The following STPG4 variants were observed in gnomAD, a reference collection of about 807,000 sequenced individuals.
The protein encoded by STPG4 is sperm-tail PG-rich repeat containing 4.
A neutral mutation model predicts 31.5 loss-of-function variants in STPG4; 41 were observed. The ratio of observed to expected loss-of-function variants is 1.30; its 90% CI spans 1.01 to 1.69. The LOEUF is 1.69. Ranked by LOEUF, STPG4 falls within the 40% of genes most tolerant of loss-of-function variation. The probability of loss-of-function intolerance (pLI) is 0.00; values close to 1 mark genes in which losing one functional copy is unlikely to be tolerated. For missense variants in STPG4, 375 were observed against 293.4 expected (o/e 1.28, Z -2.03); for synonymous variants, 141 against 103.0 (o/e 1.37, Z -2.24).
intron 5 of STPG4, among the ~76,000 whole-genome samples, chr2:47,099,716 G>T (rs1237547437): frequency 3.3e-5 from 5 of 152,264 alleles, no homozygotes; most frequent in Non-Finnish European, 5.9e-5. Context: ...CCCTCAGCTT[G>T]CAGAGAGGTG....
chr2:47,108,061 C>T (rs888001938), intron 5 of STPG4, among the ~76,000 whole-genome samples: 2 of 151,850 alleles, frequency 1.3e-5, no homozygotes, highest in African/African-American at 4.8e-5. Flanking sequence ...CTGTATCTAG[C>T]TACTCTGGTG....
intron 5 of STPG4, 72 bp from the exon 6 acceptor site, chr2:47,090,446 T>C (rs1685548185): frequency 1.0e-6 from 1 of 978,880 alleles, no homozygotes; most frequent in African/African-American, 1.6e-5. Context: ...ATTTGCCTTC[T>C]ACAAATAAAC....
At chr2:47,117,334 C>T (rs935834711) in intron 5 of STPG4, among the ~76,000 whole-genome samples, 2 of 152,138 alleles carry the variant, frequency 1.3e-5, no homozygotes, top group African/African-American at 2.4e-5. Flanking sequence ...CTCACCCTCC[C>T]GAGTAGCTGG....
At chr2:47,134,412 AG>A (rs1686553763) in intron 3 of STPG4, among the ~76,000 whole-genome samples, 1 of 152,110 alleles carries the variant, frequency 6.6e-6, no homozygotes, top group South Asian at 2.1e-4. Flanking sequence ...TAGTCTCCAT[AG>A]TTTTGCCTTT....
chr2:47,099,279 G>C (rs917515826), intron 5 of STPG4, among the ~76,000 whole-genome samples: 10 of 152,206 alleles, frequency 6.6e-5, no homozygotes, highest in African/African-American at 2.4e-4. Flanking sequence ...TTTGAAATCT[G>C]AGGCAGTTCT....
At chr2:47,137,512 G>A (rs1310681251) in intron 3 of STPG4, among the ~76,000 whole-genome samples, 1 of 152,118 alleles carries the variant, frequency 6.6e-6, no homozygotes, top group Non-Finnish European at 1.5e-5. Flanking sequence ...TAGGAGGTGT[G>A]TCCCCTGCCC....
At chr2:47,153,752 C>T (rs999984526) in intron 1 of STPG4, among the ~76,000 whole-genome samples, 2 of 151,804 alleles carry the variant, frequency 1.3e-5, no homozygotes, top group African/African-American at 2.4e-5. Flanking sequence ...CCAGCCTGGG[C>T]GACAAAGCAA....
chr2:47,088,115 T>C (rs1685497649), intron 6 of STPG4, among the ~76,000 whole-genome samples: 1 of 152,034 alleles, frequency 6.6e-6, no homozygotes, highest in South Asian at 2.1e-4. Flanking sequence ...GGTCTCACTC[T>C]GTCATCCAGC....
In STPG4 at chr2:47,154,357, C is replaced by T. The variant is rs955228834; in HGVS notation, c.81+814G>A. On this transcript the variant is annotated intron_variant, in intron 1 of 6. Coordinates refer to ENST00000445927, the MANE Select transcript of STPG4 (RefSeq NM_001163561.2). ...AGAAATACAACTTTCTCAGGCAGGT[C>T]AAGACAGGCCTCCCACCCCTACCCC... 7.2e-5 allele frequency among the ~76,000 whole-genome samples: 11 copies of T among 152,174 alleles called. 1 individual carries two copies. Among genetic ancestry groups the T allele is most frequent in the Non-Finnish European group, 1.3e-4 (9 of 68,032 alleles).
intron 3 of STPG4, among the ~76,000 whole-genome samples, chr2:47,150,333 C>T (rs815811): frequency 0.79 from 119,609 of 151,964 alleles, 48,290 homozygotes; most frequent in East Asian, 0.92. Context: ...TTGATAAACT[C>T]TGTCCTGTAT....
intron 3 of STPG4, among the ~76,000 whole-genome samples, chr2:47,141,111 T>G (rs1322703798): frequency 6.6e-6 from 1 of 151,974 alleles, no homozygotes; most frequent in Non-Finnish European, 1.5e-5. Flanking sequence ...GGTCTCGAAC[T>G]CCTAACCTCA....
At chr2:47,145,911 G>A (rs1573198383) in intron 3 of STPG4, among the ~76,000 whole-genome samples, 1 of 152,198 alleles carries the variant, frequency 6.6e-6, no homozygotes, top group Non-Finnish European at 1.5e-5. Flanking sequence ...CTGAAGCGTT[G>A]AATAGTAAAT....
chr2:47,124,537 G>A (rs566346984), intron 5 of STPG4, among the ~76,000 whole-genome samples: 17 of 152,064 alleles, frequency 1.1e-4, no homozygotes, highest in South Asian at 4.2e-4. Context: ...TTGCCTTTCC[G>A]TGCATGGCTT....
At chr2:47,097,988 G>A (rs1034852397) in intron 5 of STPG4, among the ~76,000 whole-genome samples, 1 of 150,412 alleles carries the variant, frequency 6.6e-6, no homozygotes, top group African/African-American at 2.4e-5. Context: ...TGAGGGACCT[G>A]AAATTCAACT....
At chr2:47,147,943 T>C (rs768036368) in intron 3 of STPG4, among the ~76,000 whole-genome samples, 82 of 143,044 alleles carry the variant, frequency 5.7e-4, no homozygotes, top group Non-Finnish European at 1.1e-3. Flanking sequence ...TTCAAATATG[T>C]ATATACATAT....
At chr2:47,109,172 A>G (rs528366338) in intron 5 of STPG4, among the ~76,000 whole-genome samples, 6 of 152,386 alleles carry the variant, frequency 3.9e-5, no homozygotes, top group East Asian at 3.9e-4. Flanking sequence ...CTGGATGGCA[A>G]TACATGACTC....
intron 5 of STPG4, among the ~76,000 whole-genome samples, chr2:47,110,025 A>G (rs1340859146): frequency 6.9e-6 from 1 of 145,898 alleles, no homozygotes; most frequent in Non-Finnish European, 1.5e-5. Flanking sequence ...ACAGAAACGA[A>G]ATATTTCTGA....
At chr2:47,104,062 G>A (rs555384176) in intron 5 of STPG4, among the ~76,000 whole-genome samples, 14 of 152,052 alleles carry the variant, frequency 9.2e-5, no homozygotes, top group South Asian at 8.3e-4. Flanking sequence ...ATTAGGGAGA[G>A]ATATATTAGC....
At chr2:47,120,713 G>C (rs1315412299) in intron 5 of STPG4, among the ~76,000 whole-genome samples, 4 of 152,062 alleles carry the variant, frequency 2.6e-5, no homozygotes, top group African/African-American at 9.7e-5. Flanking sequence ...TGATTTTAGT[G>C]TTCTTGGCTA....
Sources: gnomAD v4.1 joint callset for allele counts (sites outside exome capture counted in the v4.1 genomes callset) on GRCh38, gnomAD v4.1.1 for gene constraint, MANE v1.5 for transcripts, NCBI Gene and HGNC (gene_info 2026-07-23, HGNC 2026-07-21) for gene names.